Variants in PDGFD observed in about 807,000 individuals in gnomAD.
PDGFD encodes platelet-derived growth factor D.
A neutral mutation model predicts 44.7 loss-of-function variants in PDGFD; 30 were observed. The observed-to-expected ratio is 0.67, with a 90% CI of 0.50 to 0.91. The LOEUF is 0.91. Ranked by LOEUF, PDGFD falls within the 40% of genes least tolerant of loss-of-function variation. The pLI is 0.00. For synonymous variants in PDGFD, 173 were observed against 168.4 expected, an observed-to-expected ratio of 1.03 and a Z score of -0.21; for missense variants, 445 against 457.8, an observed-to-expected ratio of 0.97 and a Z score of 0.25.
At chr11:103,943,101 T>C (rs1858611829) in intron 5 of PDGFD, among the ~76,000 whole-genome samples, 1 of 152,146 alleles carries the variant, frequency 6.6e-6, no homozygotes, top group Non-Finnish European at 1.5e-5. Context: ...AATGGACTGA[T>C]AGTAACCACC....
chr11:103,922,103 C>T (rs12787767), intron 6 of PDGFD, among the ~76,000 whole-genome samples: 1,750 of 152,124 alleles, frequency 0.012, 22 homozygotes, highest in Non-Finnish European at 0.019. Context: ...CTCTTTGATG[C>T]TTCCTATGTT....
At chr11:104,019,992 CTAAATG>C (rs1467065728) in intron 1 of PDGFD, among the ~76,000 whole-genome samples, 4 of 152,024 alleles carry the variant, frequency 2.6e-5, no homozygotes, top group African/African-American at 9.7e-5. Flanking sequence ...AAATGTTTTA[CTAAATG>C]TAAAACAGTC....
chr11:103,947,235 T>G (rs1202567112), intron 4 of PDGFD, among the ~76,000 whole-genome samples: 3 of 152,198 alleles, frequency 2.0e-5, no homozygotes, highest in Admixed American at 1.3e-4. Context: ...CTGTAAACAT[T>G]GGGATTTTTC....
chr11:104,044,647 T>C (rs911990420), intron 1 of PDGFD, among the ~76,000 whole-genome samples: 7 of 152,202 alleles, frequency 4.6e-5, no homozygotes, highest in Non-Finnish European at 7.3e-5. Flanking sequence ...ATGCTTTTAA[T>C]CTGGCAAAGT....
At chr11:104,154,024 A>C (rs893267463) in intron 1 of PDGFD, among the ~76,000 whole-genome samples, 3 of 152,188 alleles carry the variant, frequency 2.0e-5, no homozygotes, top group African/African-American at 7.2e-5. Flanking sequence ...TAAGGGAAAC[A>C]AACCTATGTA....
rs138999338 is a variant in PDGFD, at chr11:103,920,123, A to T, written c.987+6789T>A. Reference sequence around the variant, plus strand: ...ACACAGTACTCAGTTAAAAAGACATAAATGACAAACAGCTCAACAGTGTTA... The same window carrying T: ...ACACAGTACTCAGTTAAAAAGACATTAATGACAAACAGCTCAACAGTGTTA... On this transcript the variant is annotated intron_variant, in intron 6 of 6. Transcript: ENST00000393158. 3.4e-3 allele frequency among the ~76,000 whole-genome samples: 515 copies of T among 152,360 alleles called. 4 individuals are homozygous for T. Among genetic ancestry groups the T allele is most frequent in the African/African-American group, 0.012 (498 of 41,590 alleles).
At chr11:103,978,282 G>A (rs1263683064) in intron 3 of PDGFD, among the ~76,000 whole-genome samples, 2 of 152,012 alleles carry the variant, frequency 1.3e-5, no homozygotes, top group Non-Finnish European at 2.9e-5. Flanking sequence ...TCTTAAGGTT[G>A]CAGGGCTGTT....
chr11:103,956,185 T>C (rs1174557442), intron 3 of PDGFD, among the ~76,000 whole-genome samples: 1 of 151,450 alleles, frequency 6.6e-6, no homozygotes, highest in Non-Finnish European at 1.5e-5. Flanking sequence ...TAGCATTAGG[T>C]ATATCTCCTA....
At chr11:103,944,477 A>G (rs1288602959) in intron 4 of PDGFD, among the ~76,000 whole-genome samples, 1 of 152,166 alleles carries the variant, frequency 6.6e-6, no homozygotes. Context: ...CTCTGTTAAA[A>G]TTCATGACCC....
At chr11:103,990,955 T>C (rs1040223089) in intron 3 of PDGFD, among the ~76,000 whole-genome samples, 4 of 151,870 alleles carry the variant, frequency 2.6e-5, no homozygotes. Context: ...CTGGCTAACA[T>C]GGTGAAACCC....
chr11:104,151,117 C>T (rs550215101), intron 1 of PDGFD, among the ~76,000 whole-genome samples: 21 of 152,270 alleles, frequency 1.4e-4, no homozygotes, highest in Non-Finnish European at 2.2e-4. Context: ...GTTTACCACA[C>T]TGATAGAAAG....
intron 1 of PDGFD, among the ~76,000 whole-genome samples, chr11:104,010,481 C>G (rs1268115396): frequency 1.3e-5 from 2 of 151,970 alleles, no homozygotes; most frequent in South Asian, 2.1e-4. Context: ...TTTTAATGTA[C>G]AAAAATTTGT....
At chr11:104,113,575 C>T (rs1038873864) in intron 1 of PDGFD, among the ~76,000 whole-genome samples, 3 of 150,574 alleles carry the variant, frequency 2.0e-5, no homozygotes, top group African/African-American at 4.9e-5. Flanking sequence ...CTGCTATAAA[C>T]ATCCAACTGC....
intron 3 of PDGFD, among the ~76,000 whole-genome samples, chr11:103,985,645 C>T (rs970702561): frequency 6.6e-6 from 1 of 151,874 alleles, no homozygotes; most frequent in African/African-American, 2.4e-5. Flanking sequence ...GGGAATAGTT[C>T]TGTTTGTCTG....
chr11:104,114,278 G>T (rs1174593315), intron 1 of PDGFD, among the ~76,000 whole-genome samples: 1 of 151,928 alleles, frequency 6.6e-6, no homozygotes, highest in Non-Finnish European at 1.5e-5. Flanking sequence ...TGAAAGGTGT[G>T]AAGTCTCTGT....
At chr11:103,968,043 T>C (rs948355336) in intron 3 of PDGFD, among the ~76,000 whole-genome samples, 1 of 152,208 alleles carries the variant, frequency 6.6e-6, no homozygotes, top group East Asian at 1.9e-4. Context: ...CCAACGCAAC[T>C]TCTAGCCTCT....
intron 1 of PDGFD, among the ~76,000 whole-genome samples, chr11:104,142,612 TC>T (rs1862102146): frequency 6.6e-6 from 1 of 152,142 alleles, no homozygotes; most frequent in African/African-American, 2.4e-5. Flanking sequence ...TTCTCTTATC[TC>T]TAAGTTTCCA....
intron 1 of PDGFD, among the ~76,000 whole-genome samples, chr11:104,049,633 A>G (rs1335537607): frequency 6.6e-6 from 1 of 152,152 alleles, no homozygotes; most frequent in Non-Finnish European, 1.5e-5. Flanking sequence ...TCTCAGGCTC[A>G]GCAGAGGAGG....
intron 1 of PDGFD, chr11:104,037,714 A>T (rs1326365118): frequency 6.2e-7 from 1 of 1,614,060 alleles, no homozygotes; most frequent in Non-Finnish European, 8.5e-7. Flanking sequence ...CACACAGAGA[A>T]TTATTGGCCG....
Sources: gnomAD v4.1 joint callset for allele counts (sites outside exome capture counted in the v4.1 genomes callset) on GRCh38, gnomAD v4.1.1 for gene constraint, MANE v1.5 for transcripts, NCBI Gene and HGNC (gene_info 2026-07-23, HGNC 2026-07-21) for gene names.